Variants in MAML2 observed in about 807,000 individuals in gnomAD.
MAML2 encodes the protein mastermind-like protein 2.
In MAML2, 22 loss-of-function variants were observed where a neutral mutation model predicts 96.1. The ratio of observed to expected loss-of-function variants is 0.23; its 90% confidence interval spans 0.16 to 0.33. The LOEUF is 0.33. Ranked by LOEUF, MAML2 falls within the 10% of genes least tolerant of loss-of-function variation. MAML2 has a pLI of 1.00. For missense variants in MAML2, 1,367 were observed against 1,392.4 expected, an observed-to-expected ratio of 0.98 and a Z score of 0.29; for synonymous variants, 561 against 521.3, an observed-to-expected ratio of 1.08 and a Z score of -1.04.
At chr11:96,049,213 T>C (rs984656574) in intron 2 of MAML2, among the ~76,000 whole-genome samples, 1 of 152,226 alleles carries the variant, frequency 6.6e-6, no homozygotes, top group Non-Finnish European at 1.5e-5. Context: ...CATACTATGC[T>C]CTATTTTTCT....
intron 2 of MAML2, among the ~76,000 whole-genome samples, chr11:96,042,865 C>T (rs929119427): frequency 1.3e-5 from 2 of 151,726 alleles, no homozygotes; most frequent in African/African-American, 4.8e-5. Flanking sequence ...CTGCTTCAGC[C>T]TCCTGAGTAG....
chr11:96,191,346 C>G (rs1286601080), intron 1 of MAML2, among the ~76,000 whole-genome samples: 1 of 151,954 alleles, frequency 6.6e-6, no homozygotes, highest in East Asian at 1.9e-4. Context: ...TGCCTGTAGT[C>G]CCAGCTACTC....
At chr11:95,985,998 T>C (rs1204705949) in intron 3 of MAML2, among the ~76,000 whole-genome samples, 1 of 152,202 alleles carries the variant, frequency 6.6e-6, no homozygotes, top group East Asian at 1.9e-4. Context: ...ACAAGGTCAC[T>C]GTGCAACCTC....
chr11:95,980,249 G>A (rs933741436), intron 4 of MAML2, among the ~76,000 whole-genome samples: 1 of 152,090 alleles, frequency 6.6e-6, no homozygotes, highest in African/African-American at 2.4e-5. Flanking sequence ...TCATTGAAGG[G>A]AGGTAATAGT....
intron 2 of MAML2, among the ~76,000 whole-genome samples, chr11:96,008,457 G>C (rs1858220376): frequency 6.6e-6 from 1 of 152,116 alleles, no homozygotes; most frequent in South Asian, 2.1e-4. Context: ...ATATACATTT[G>C]GGACTGGAAC....
intron 1 of MAML2, among the ~76,000 whole-genome samples, chr11:96,214,155 T>A (rs1862014746): frequency 6.6e-6 from 1 of 152,242 alleles, no homozygotes; most frequent in Non-Finnish European, 1.5e-5. Flanking sequence ...CTATGGAATA[T>A]AATATATGTG....
chr11:96,103,069 A>G (rs949613363), intron 1 of MAML2, among the ~76,000 whole-genome samples: 18 of 152,202 alleles, frequency 1.2e-4, no homozygotes, highest in Non-Finnish European at 1.8e-4. Flanking sequence ...TCTAAAGGGC[A>G]TACCTCAAGG....
At chr11:96,060,329 A>G (rs1453776642) in intron 2 of MAML2, among the ~76,000 whole-genome samples, 1 of 152,232 alleles carries the variant, frequency 6.6e-6, no homozygotes, top group Admixed American at 6.5e-5. Flanking sequence ...TAATATACCA[A>G]ACAGGATTCA....
chr11:95,983,871 AAGTT>A (rs1236241779), intron 4 of MAML2, among the ~76,000 whole-genome samples: 1 of 152,174 alleles, frequency 6.6e-6, no homozygotes, highest in Non-Finnish European at 1.5e-5. Context: ...ATTAATGTAA[AAGTT>A]AATTTATTAT....
chr11:96,091,678 A>G (rs745956825), intron 2 of MAML2, among the ~76,000 whole-genome samples: 11 of 152,220 alleles, frequency 7.2e-5, no homozygotes, highest in Non-Finnish European at 1.2e-4. Context: ...ATTACAGATC[A>G]CAATGATACT....
At chr11:96,135,491 G>A (rs954947074) in intron 1 of MAML2, among the ~76,000 whole-genome samples, 3 of 144,694 alleles carry the variant, frequency 2.1e-5, no homozygotes, top group Admixed American at 7.0e-5. Flanking sequence ...GAGATGTTAA[G>A]TTTTTAAAGT....
intron 2 of MAML2, among the ~76,000 whole-genome samples, chr11:96,050,509 CTT>C (rs1858973997): frequency 1.3e-5 from 2 of 152,146 alleles, no homozygotes; most frequent in Non-Finnish European, 2.9e-5. Context: ...AACAAAAACT[CTT>C]TTCCTTTTTG....
At chr11:96,132,176 C>T (rs1338859295) in intron 1 of MAML2, among the ~76,000 whole-genome samples, 1 of 152,112 alleles carries the variant, frequency 6.6e-6, no homozygotes, top group African/African-American at 2.4e-5. Context: ...AAAAGATCTC[C>T]AAAAAGTTAG....
intron 1 of MAML2, among the ~76,000 whole-genome samples, chr11:96,126,032 C>T (rs1860432508): frequency 6.6e-6 from 1 of 152,192 alleles, no homozygotes. Flanking sequence ...TGGAGCCTTT[C>T]CTGGTACACC....
intron 1 of MAML2, among the ~76,000 whole-genome samples, chr11:96,146,666 C>T (rs991417106): frequency 1.3e-5 from 2 of 152,158 alleles, no homozygotes; most frequent in African/African-American, 4.8e-5. Context: ...TAAATGGCAG[C>T]ATCAGGGTTT....
chr11:96,247,520 AT>A (rs1379147717), intron 1 of MAML2, among the ~76,000 whole-genome samples: 1 of 152,098 alleles, frequency 6.6e-6, no homozygotes, highest in African/African-American at 2.4e-5. Flanking sequence ...TTTCCAATCA[AT>A]TTTACCCTGT....
intron 1 of MAML2, among the ~76,000 whole-genome samples, chr11:96,283,983 C>A (rs1863104828): frequency 6.6e-6 from 1 of 152,150 alleles, no homozygotes; most frequent in Non-Finnish European, 1.5e-5. Context: ...AAGTACTTAT[C>A]ATTTTGCCCT....
At chr11:96,149,320 G>T (rs895712690) in intron 1 of MAML2, among the ~76,000 whole-genome samples, 1 of 149,846 alleles carries the variant, frequency 6.7e-6, no homozygotes, top group African/African-American at 2.5e-5. Context: ...AGGAGGCTAA[G>T]GCAGGAGAAT....
chr11:96,073,132 T>C (rs1014035262), intron 2 of MAML2, among the ~76,000 whole-genome samples: 1 of 152,214 alleles, frequency 6.6e-6, no homozygotes, highest in African/African-American at 2.4e-5. Context: ...GTAACAATAC[T>C]GAATAATTTA....
Sources: gnomAD v4.1 joint callset for allele counts (sites outside exome capture counted in the v4.1 genomes callset) on GRCh38, gnomAD v4.1.1 for gene constraint, MANE v1.5 for transcripts, NCBI Gene and HGNC (gene_info 2026-07-23, HGNC 2026-07-21) for gene names.